The following FAM167A variants were observed in gnomAD, a reference collection of about 807,000 sequenced individuals.
FAM167A encodes family with sequence similarity 167 member A, also known as protein FAM167A.
Under a neutral mutation model 14.9 loss-of-function variants are expected in FAM167A, and 23 were observed. The observed-to-expected ratio is 1.55, with a 90% CI of 1.11 to 2.19. The LOEUF is 2.19. Among genes scored for constraint, FAM167A ranks in the 30% most tolerant of loss-of-function variants. FAM167A has a pLI of 0.00. For missense variants in FAM167A, 401 were observed against 281.5 expected, an observed-to-expected ratio of 1.42 and a Z score of -3.04; for synonymous variants, 174 against 117.7, an observed-to-expected ratio of 1.48 and a Z score of -3.10.
Position 11,422,088 on chromosome 8 carries a change from CAT to C in FAM167A, c.*2283_*2284del, listed in dbSNP as rs933020958. The C allele has an allele frequency of 2.6e-5, 9 of 341,516 alleles. No homozygotes were observed. Among genetic ancestry groups the C allele is most frequent in the Middle Eastern group, 1.5e-3 (2 of 1,300 alleles). The allele number at this position is 341,516 out of a possible 1,614,324, so 21.2% of individuals were successfully genotyped here. A position where few individuals can be genotyped will look rare whatever the true frequency, so the allele number is the denominator to read the frequency against. ...CTCAGACATTTAACTTATCCCCAAA[CAT>C]GTGTCTTGATCTTAGTTTCCACCCA... On this transcript the variant is annotated 3_prime_UTR_variant, in exon 3 of 3. Transcript: ENST00000284486.
chr8:11,458,014 C>T (rs1807402064), intron 1 of FAM167A, among the ~76,000 whole-genome samples: 1 of 152,216 alleles, frequency 6.6e-6, no homozygotes, highest in South Asian at 2.1e-4. Context: ...GCTGATGACG[C>T]TGATGCGGTG....
Position 11,444,710 on chromosome 8 carries a change from G to C in FAM167A, c.-299C>G. The C allele has an allele frequency of 8.4e-7, 1 of 1,188,606 alleles. No homozygotes were observed. The highest frequency in any genetic ancestry group is 1.0e-6 in the Non-Finnish European group (1 of 956,936). 73.6% of individuals were successfully genotyped at this position (1,188,606 alleles called of 1,614,324 possible). The stretch of plus-strand genomic sequence containing the variant: ...CGTCGCAGGAATCTCGGGGCAGCCT[G>C]TGCCAAGGTCTATCTGTCCTGAACG... On this transcript the variant is annotated 5_prime_UTR_variant, in exon 2 of 3. Transcript: ENST00000284486.
chr8:11,454,229 G>A (rs998729824), intron 1 of FAM167A, among the ~76,000 whole-genome samples: 1 of 152,224 alleles, frequency 6.6e-6, no homozygotes, highest in African/African-American at 2.4e-5. Flanking sequence ...TGGCTGGAGA[G>A]CGGAGGCCCA....
At chr8:11,469,627 G>A (rs1027179247), upstream of FAM167A, among the ~76,000 whole-genome samples, 2 of 152,262 alleles carry the variant, frequency 1.3e-5, no homozygotes, top group African/African-American at 4.8e-5. Flanking sequence ...AGCAATTTGG[G>A]AGGCCGAGGC....
chr8:11,441,479 G>A (rs1806432682), intron 2 of FAM167A, among the ~76,000 whole-genome samples: 1 of 152,244 alleles, frequency 6.6e-6, no homozygotes, highest in Non-Finnish European at 1.5e-5. Flanking sequence ...GAGTTTGGCA[G>A]TCAATGCTCT....
chr8:11,432,671 T>G (rs1334926663), intron 2 of FAM167A, among the ~76,000 whole-genome samples: 1 of 152,182 alleles, frequency 6.6e-6, no homozygotes, highest in Non-Finnish European at 1.5e-5. Context: ...CTCAAGGATG[T>G]AGAACAGGAA....
In FAM167A at chr8:11,462,127, C is replaced by T. The variant is rs1161406659; in HGVS notation, c.-398+4499G>A. ...AAAATGGGATGTGTGACTTTGCTTCCCTGCCGTGTCAGCTTGCGCTGGAGG... is the reference window on the plus strand; with the variant it reads ...AAAATGGGATGTGTGACTTTGCTTCTCTGCCGTGTCAGCTTGCGCTGGAGG... On this transcript the variant is annotated intron_variant, in intron 1 of 2. Coordinates refer to ENST00000284486, the MANE Select transcript of FAM167A (RefSeq NM_053279.3). 2.6e-5 allele frequency among the ~76,000 whole-genome samples: 4 copies of T among 152,342 alleles called. No homozygotes were observed. In the East Asian group the frequency reaches 7.7e-4, roughly 29 times the overall value.
upstream of FAM167A, among the ~76,000 whole-genome samples, chr8:11,472,021 AT>A (rs1807976026): frequency 6.6e-6 from 1 of 152,200 alleles, no homozygotes; most frequent in Admixed American, 6.5e-5. Context: ...ATAAAGGCAT[AT>A]TTGTCAAGGC....
chr8:11,430,948 C>T (rs961186847), intron 2 of FAM167A, among the ~76,000 whole-genome samples: 2 of 152,142 alleles, frequency 1.3e-5, no homozygotes, highest in Non-Finnish European at 1.5e-5. Context: ...CTCCTACCCT[C>T]GGAGCTGGGT....
intron 1 of FAM167A, among the ~76,000 whole-genome samples, chr8:11,460,244 TGG>T (rs1159078672): frequency 1.3e-5 from 2 of 152,230 alleles, no homozygotes; most frequent in Non-Finnish European, 2.9e-5. Context: ...GCCTCCTGCC[TGG>T]GGTCCCAGCA....
upstream of FAM167A, among the ~76,000 whole-genome samples, chr8:11,470,118 G>A (rs189065015): frequency 7.2e-5 from 11 of 152,244 alleles, no homozygotes; most frequent in Non-Finnish European, 1.2e-4. Flanking sequence ...GACGATGACC[G>A]ACAAATACGC....
At chr8:11,443,850 C>A in intron 2 of FAM167A, 181 bp downstream of exon 2, 1 of 743,398 alleles carries the variant, frequency 1.3e-6, no homozygotes. Context: ...GTCCCCCCAG[C>A]CACATACAAA....
intron 1 of FAM167A, among the ~76,000 whole-genome samples, chr8:11,453,486 A>G (rs564251472): frequency 1.4e-4 from 22 of 152,244 alleles, no homozygotes; most frequent in Admixed American, 1.3e-3. Flanking sequence ...ACAGATGAAG[A>G]GACCGAGGCA....
rs928587838 is a variant in FAM167A at position 11,459,568 on chromosome 8, C to A, written c.-398+7058G>T. 2.0e-5 allele frequency among the ~76,000 whole-genome samples: 3 copies of A among 152,196 alleles called. No homozygotes were observed. In the East Asian group the frequency reaches 5.8e-4, roughly 29 times the overall value. On this transcript the variant is annotated intron_variant, in intron 1 of 2. Transcript: ENST00000284486. ...GAGTACAGCTGCTGTGGCAGGAGGGCCTCTTTCCGGGGCTGGGGTCTTAGT... is the reference window on the plus strand; with the variant it reads ...GAGTACAGCTGCTGTGGCAGGAGGGACTCTTTCCGGGGCTGGGGTCTTAGT...
chr8:11,444,573 C>G lies in FAM167A; in HGVS notation c.-162G>C. 2 of 1,447,678 alleles carry G rather than the reference C, an allele frequency of 1.4e-6. No homozygotes were observed. Among genetic ancestry groups the G allele is most frequent in the East Asian group, 2.5e-5 (1 of 40,406 alleles). 89.7% of individuals were successfully genotyped at this position (1,447,678 alleles called of 1,614,324 possible). On this transcript the variant is annotated 5_prime_UTR_variant, in exon 2 of 3. Coordinates refer to ENST00000284486, the MANE Select transcript of FAM167A (RefSeq NM_053279.3). ...CCTCAGAGGCTGGGTGGCAGGGGAGCTGAGAGGGACCGCGCAGTGAGCCGC... is the reference window on the plus strand; with the variant it reads ...CCTCAGAGGCTGGGTGGCAGGGGAGGTGAGAGGGACCGCGCAGTGAGCCGC...
chr8:11,437,423 C>G (rs969342658), intron 2 of FAM167A, among the ~76,000 whole-genome samples: 2 of 152,202 alleles, frequency 1.3e-5, no homozygotes, highest in African/African-American at 4.8e-5. Context: ...CCCTGCTCAA[C>G]GCGCTGCCAA....
chr8:11,466,597 G>A (rs1339641426), intron 1 of FAM167A, 29 bp downstream of exon 1: 1 of 152,390 alleles, frequency 6.6e-6, no homozygotes, highest in East Asian at 1.9e-4. Flanking sequence ...CAGTCCCTGG[G>A]AAAGTCCCCG....
intron 1 of FAM167A, among the ~76,000 whole-genome samples, chr8:11,464,945 G>T (rs1037326051): frequency 6.6e-6 from 1 of 152,154 alleles, no homozygotes; most frequent in Non-Finnish European, 1.5e-5. Context: ...CAGGAAGGCG[G>T]GGACTGGCAA....
chr8:11,447,855 C>T (rs1465908367), intron 1 of FAM167A, among the ~76,000 whole-genome samples: 1 of 152,190 alleles, frequency 6.6e-6, no homozygotes, highest in Non-Finnish European at 1.5e-5. Context: ...CTACATAATT[C>T]ACAAGGCTCA....
Sources: gnomAD v4.1 joint callset for allele counts (sites outside exome capture counted in the v4.1 genomes callset) on GRCh38, gnomAD v4.1.1 for gene constraint, MANE v1.5 for transcripts, NCBI Gene and HGNC (gene_info 2026-07-23, HGNC 2026-07-21) for gene names.